Variants in NEB observed in about 807,000 individuals in gnomAD.
NEB encodes nebulin, also known as nemaline myopathy type 2.
Under a neutral mutation model 952.2 loss-of-function variants are expected in NEB, and 512 were observed. That is an observed-to-expected ratio of 0.54 (90% CI 0.50 to 0.58). NEB has a LOEUF of 0.58. NEB is among the 20% of genes least tolerant of loss of function. The pLI is 0.00. For synonymous variants in NEB, 2,900 were observed against 3,149.8 expected (o/e 0.92, Z 2.66); for missense variants, 8,428 against 9,231.1 (o/e 0.91, Z 3.56).
intron 166 of NEB, 143 bp from the exon 167 acceptor site, chr2:151,503,028 T>C (rs1575314812): frequency 3.3e-6 from 2 of 610,914 alleles, no homozygotes; most frequent in East Asian, 5.7e-5. Context: ...TTTACTTTTT[T>C]CACAGTTTTA....
At chr2:151,501,261 G>T in intron 168 of NEB, 130 bp downstream of exon 168, 1 of 571,672 alleles carries the variant, frequency 1.7e-6, no homozygotes, top group Admixed American at 2.9e-5. Context: ...GAAAACAGAA[G>T]GATTCAGTTG....
intron 104 of NEB, 95 bp from the exon 105 acceptor site, chr2:151,579,744 CT>C (rs2097060034): frequency 1.2e-5 from 5 of 402,438 alleles, no homozygotes; most frequent in African/African-American, 1.4e-4. Context: ...CTTAGTTTAC[CT>C]TTTTTGGGGG....
intron 27 of NEB, among the ~76,000 whole-genome samples, chr2:151,686,020 G>C (rs950122995): frequency 2.0e-5 from 3 of 152,028 alleles, no homozygotes; most frequent in Admixed American, 6.5e-5. Context: ...TTGAGACCCT[G>C]GTTTATAAAA....
rs374819736 is a variant in NEB, at chr2:151,526,955, G to A, written c.21908C>T (p.Thr7303Met). Residue 7303 changes from threonine (T) to methionine (M), a missense_variant, in exon 148 of 182, where the codon ACG becomes ATG. By Grantham distance (81) the Thr-to-Met change is moderately conservative. Coordinates refer to ENST00000397345, the MANE Select transcript of NEB (RefSeq NM_001164508.2). ...CKLSVTDDKN[T>M]VLALRNTLIE... is the part of the protein sequence containing the mutation. ...TAAAGTATTCCTGAGGGCGAGCACCGTGTTTTTGTCATCAGTGACAGAAAG... is the reference window on the plus strand; with the variant it reads ...TAAAGTATTCCTGAGGGCGAGCACCATGTTTTTGTCATCAGTGACAGAAAG... 2.8e-5 allele frequency: 45 copies of A among 1,603,282 alleles called. No homozygotes were observed. The East Asian group carries it at 6.7e-4, about 24-fold the overall frequency.
At chr2:151,541,614 A>G (rs765264743) in intron 135 of NEB, 63 bp from the exon 136 acceptor site, 12 of 1,275,920 alleles carry the variant, frequency 9.4e-6, no homozygotes, top group Non-Finnish European at 1.4e-5. Context: ...TTCTCTGCAG[A>G]TGCCTTCACT....
chr2:151,539,937 A>G (rs945390864), intron 138 of NEB, among the ~76,000 whole-genome samples: 52 of 152,166 alleles, frequency 3.4e-4, no homozygotes, highest in African/African-American at 1.1e-3. Context: ...ATCATTCCAC[A>G]TATATGAAAA....
intron 94 of NEB, among the ~76,000 whole-genome samples, 161 bp from the exon 95 acceptor site, chr2:151,592,299 AT>A (rs1299057004): frequency 6.6e-6 from 1 of 150,702 alleles, no homozygotes; most frequent in Admixed American, 6.7e-5. Context: ...GTAAATTAAA[AT>A]TTTTAAGTAA....
chr2:151,630,809 G>A lies in NEB; in HGVS notation c.9629C>T (p.Thr3210Ile), dbSNP rs1412536896. 1.3e-6 allele frequency: 2 copies of A among 1,599,184 alleles called. No homozygotes were observed. The highest frequency in any genetic ancestry group is 1.1e-5 in the South Asian group (1 of 88,494). ...NALNMNKRLY[T>I]EAWDKDKTQI... ...AGTCTTGTCTTTGTCCCAGGCCTCT[G>A]TGTATAAACGCTATAAAAGAAGATA... is the stretch of plus-strand genomic sequence containing the variant. The change falls in exon 67 of 182, where the codon ACA becomes ATA. Residue 3210 changes from threonine to isoleucine, a missense_variant. Physicochemically the swap from Thr to Ile is moderately conservative, Grantham distance 89. Transcript: ENST00000397345.
chr2:151,680,841 T>A lies in NEB; in HGVS notation c.2944-13A>T. On this transcript the variant is annotated splice_polypyrimidine_tract_variant and intron_variant, in intron 29 of 181. Coordinates refer to ENST00000397345, the MANE Select transcript of NEB (RefSeq NM_001164508.2). ...GGCGATATTTTTTCTGTTTGGCAAA[T>A]CAAAAAGAGAAAAACAATCTTGTTT... 1 of 1,577,304 alleles carries A rather than the reference T, an allele frequency of 6.3e-7. No homozygotes were observed. Among genetic ancestry groups the A allele is most frequent in the Non-Finnish European group, 8.7e-7 (1 of 1,146,870 alleles).
chr2:151,614,025 A>G (rs2098115112), intron 77 of NEB, among the ~76,000 whole-genome samples: 1 of 152,216 alleles, frequency 6.6e-6, no homozygotes, highest in Non-Finnish European at 1.5e-5. Flanking sequence ...TAGTTATTAC[A>G]GTCACCACTA....
intron 173 of NEB, chr2:151,494,988 A>AAAC (rs1310764972): frequency 6.6e-6 from 1 of 152,470 alleles, no homozygotes; most frequent in African/African-American, 2.4e-5. Context: ...TGCAGCACTT[A>AAAC]AACTCTCATA....
At chr2:151,646,563 T>C (rs2098961222) in intron 54 of NEB, among the ~76,000 whole-genome samples, 1 of 152,226 alleles carries the variant, frequency 6.6e-6, no homozygotes, top group South Asian at 2.1e-4. Context: ...GTGTTTAATT[T>C]AGAGGCAGCC....
chr2:151,485,590 C>A lies in NEB; in HGVS notation c.*170G>T, dbSNP rs1323192151. Reference sequence around the variant, plus strand: ...TGCAGAAGCTTTTAAAGTGTCTGTTCTGCAACTTATTTTAAAACCCAAAGG... The same window carrying A: ...TGCAGAAGCTTTTAAAGTGTCTGTTATGCAACTTATTTTAAAACCCAAAGG... On this transcript the variant is annotated 3_prime_UTR_variant, in exon 182 of 182. Transcript: ENST00000397345. 4 of 539,882 alleles carry A rather than the reference C, an allele frequency of 7.4e-6. No individual in the cohort carries two copies. The East Asian group carries it at 1.1e-4, about 15-fold the overall frequency. 33.4% of individuals were successfully genotyped at this position (539,882 alleles called of 1,614,324 possible).
intron 40 of NEB, 113 bp from the exon 41 acceptor site, chr2:151,666,514 C>T (rs2099219220): frequency 2.0e-5 from 21 of 1,044,790 alleles, no homozygotes; most frequent in South Asian, 9.0e-5. Flanking sequence ...TAGGTAACAT[C>T]GAAGTTTTTT....
chr2:151,663,950 G>A (rs1396164392), intron 44 of NEB, 91 bp from the exon 45 acceptor site: 1 of 1,319,832 alleles, frequency 7.6e-7, no homozygotes, highest in African/African-American at 1.5e-5. Context: ...CTTAGATGAA[G>A]GGTTTTAGAG....
intron 7 of NEB, 84 bp downstream of exon 7, chr2:151,724,773 G>T (rs1407596954): frequency 1.8e-6 from 2 of 1,117,404 alleles, no homozygotes; most frequent in Non-Finnish European, 2.6e-6. Context: ...GCAGGATCAG[G>T]CCTGTCCAAT....
chr2:151,496,250 AGTTT>A, intron 173 of NEB, 22 bp downstream of exon 173: 2 of 1,539,746 alleles, frequency 1.3e-6, no homozygotes, highest in Admixed American at 3.6e-5. Flanking sequence ...ATCAGTAAGT[AGTTT>A]TTTTCTTTTC....
chr2:151,501,317 T>A (rs1159231830), intron 168 of NEB, 74 bp downstream of exon 168: 1 of 990,378 alleles, frequency 1.0e-6, no homozygotes, highest in Non-Finnish European at 1.5e-6. Context: ...TATAAAGGGA[T>A]GAACAGTGAG....
intron 112 of NEB, 25 bp downstream of exon 112, chr2:151,568,291 C>G (rs762227898): frequency 6.2e-7 from 1 of 1,607,362 alleles, no homozygotes; most frequent in Admixed American, 1.7e-5. Flanking sequence ...TACACAAACA[C>G]CAGGCATGTG....
Sources: gnomAD v4.1 joint callset for allele counts (sites outside exome capture counted in the v4.1 genomes callset) on GRCh38, gnomAD v4.1.1 for gene constraint, MANE v1.5 for transcripts, NCBI Gene and HGNC (gene_info 2026-07-23, HGNC 2026-07-21) for gene names.